Variants in SLC47A2 observed in about 807,000 individuals in gnomAD.
SLC47A2 encodes the protein solute carrier family 47 member 2.
In SLC47A2, 52 loss-of-function variants were observed where a neutral mutation model predicts 67.7. The ratio of observed to expected loss-of-function variants is 0.77; its 90% CI spans 0.61 to 0.97. SLC47A2 has a LOEUF of 0.97. Ranked by LOEUF, SLC47A2 falls within the 50% of genes least tolerant of loss-of-function variation. The pLI is 0.00. For missense variants in SLC47A2, 676 were observed against 712.3 expected (o/e 0.95, Z 0.58); for synonymous variants, 278 against 292.9 (o/e 0.95, Z 0.52).
At chr17:19,711,665 T>G (rs1044590324) in intron 5 of SLC47A2, among the ~76,000 whole-genome samples, 15 of 130,474 alleles carry the variant, frequency 1.1e-4, no homozygotes, top group South Asian at 2.4e-4. Context: ...TTGGAAGAAA[T>G]CTTTTAATAA....
In SLC47A2 at chr17:19,681,438, A is replaced by G; in HGVS notation, c.1321T>C (p.Cys441Arg). The G allele has an allele frequency of 6.2e-7, 1 of 1,613,844 alleles. No homozygotes were observed. Among genetic ancestry groups the G allele is most frequent in the Non-Finnish European group, 8.5e-7 (1 of 1,179,896 alleles). ...IMGLWLGMLA[C>R]VFLATAAFVA... is the part of the protein sequence containing the mutation. ...AAGGCAGCAGTTGCCAGGAAGACAC[A>G]GGCCAGCATGCCCAGCCAGAGGCCT... is the stretch of plus-strand genomic sequence containing the variant. Residue 441 changes from cysteine to arginine, a missense_variant, in exon 15 of 17, where the codon TGT becomes CGT. Physicochemically the swap from Cys to Arg is radical, Grantham distance 180. Coordinates refer to ENST00000433844, the MANE Select transcript of SLC47A2 (RefSeq NM_001099646.3).
chr17:19,710,661 C>G (rs946743039), intron 5 of SLC47A2, among the ~76,000 whole-genome samples: 1 of 152,062 alleles, frequency 6.6e-6, no homozygotes, highest in African/African-American at 2.4e-5. Flanking sequence ...CCATGTTGGC[C>G]GGGCTGGTCT....
intron 6 of SLC47A2, 107 bp from the exon 7 acceptor site, chr17:19,708,506 C>T (rs894783324): frequency 6.2e-7 from 1 of 1,613,818 alleles, no homozygotes. Flanking sequence ...CTTCAGCCAT[C>T]CCTGTTGAGG....
At chr17:19,679,410 A>G (rs1015900564) in intron 16 of SLC47A2, among the ~76,000 whole-genome samples, 1 of 152,158 alleles carries the variant, frequency 6.6e-6, no homozygotes, top group Non-Finnish European at 1.5e-5. Context: ...TGGGGCCATC[A>G]CTTCATGACA....
At chr17:19,679,345 GC>G (rs1283036965) in intron 16 of SLC47A2, among the ~76,000 whole-genome samples, 1 of 152,240 alleles carries the variant, frequency 6.6e-6, no homozygotes, top group Non-Finnish European at 1.5e-5. Flanking sequence ...ATCTGTGTGA[GC>G]TTTGGGCCAT....
chr17:19,691,301 C>T (rs1463241752), intron 13 of SLC47A2, among the ~76,000 whole-genome samples: 2 of 152,072 alleles, frequency 1.3e-5, no homozygotes, highest in Non-Finnish European at 2.9e-5. Context: ...ACCTGCACTC[C>T]CATATTTATT....
intron 13 of SLC47A2, among the ~76,000 whole-genome samples, chr17:19,697,421 C>A (rs530938628): frequency 9.9e-5 from 15 of 152,268 alleles, no homozygotes; most frequent in East Asian, 9.7e-4. Context: ...TGGGTGACAT[C>A]ATGAGACTTT....
rs150380329 is a variant in SLC47A2, at chr17:19,716,530, G to T, written c.26C>A (p.Ala9Asp). 3.7e-6 allele frequency: 6 copies of T among 1,610,750 alleles called. No individual in the cohort carries two copies. The African/African-American group carries it at 8.0e-5, about 22-fold the overall frequency. Reference protein sequence around the residue: MDSLQDTVALDHGGCCPAL... With the variant: MDSLQDTVDLDHGGCCPAL... ...AGGGCAGCAGCCCCCATGGTCCAGG[G>T]CCACTGTGTCCTGGAGGCTGTCCAT... Residue 9 changes from alanine (A) to aspartate (D), a missense_variant, in exon 1 of 17, where the codon GCC (alanine) becomes GAC (aspartate). Ala to Asp is a moderately radical substitution (Grantham distance 126, BLOSUM62 -2). Transcript: ENST00000433844.
At chr17:19,697,603 A>G (rs1301338909) in intron 13 of SLC47A2, among the ~76,000 whole-genome samples, 1 of 152,128 alleles carries the variant, frequency 6.6e-6, no homozygotes, top group Non-Finnish European at 1.5e-5. Flanking sequence ...TATTTTGTAG[A>G]TTGAGACAGG....
chr17:19,698,022 A>G (rs1294994396), intron 13 of SLC47A2, among the ~76,000 whole-genome samples: 1 of 152,208 alleles, frequency 6.6e-6, no homozygotes, highest in Non-Finnish European at 1.5e-5. Flanking sequence ...ACAGTGACAT[A>G]GTAGCATATC....
chr17:19,704,645 A>G, intron 10 of SLC47A2: 1 of 1,547,078 alleles, frequency 6.5e-7, no homozygotes, highest in South Asian at 1.2e-5. Context: ...TAACATGCAG[A>G]TGCGTACCCG....
rs200639965 is a variant in SLC47A2, at chr17:19,713,940, C to T, written c.328G>A (p.Val110Met). Reference sequence around the variant, plus strand: ...ACCAGCGCGCCCCGCTGCAGGATCACGCCCACGTGCTTCTTGTTGGGGCTG... The same window carrying T: ...ACCAGCGCGCCCCGCTGCAGGATCATGCCCACGTGCTTCTTGTTGGGGCTG... ...FGSPNKKHVGVILQRGALVLL... is the reference protein window; with the variant it reads ...FGSPNKKHVGMILQRGALVLL... The change falls in exon 4 of 17, where the codon GTG becomes ATG. Residue 110 changes from valine to methionine, a missense_variant. Val to Met is a conservative substitution (Grantham distance 21, BLOSUM62 1). Transcript: ENST00000433844. The T allele has an allele frequency of 1.1e-4, 182 of 1,613,296 alleles. 1 individual carries two copies. In the East Asian group the frequency reaches 3.8e-3, roughly 34 times the overall value.
At position 19,681,544 on chromosome 17, in the gene SLC47A2, T is replaced by C; in HGVS notation, c.1291A>G (p.Ile431Val). Reference sequence around the variant, plus strand: ...ACTTCCTCACACCACATACCCATGATTCTCATTCTGACCACAAAGGTCAGA... The same window carrying C: ...ACTTCCTCACACCACATACCCATGACTCTCATTCTGACCACAAAGGTCAGA... ...ILLTFVVRMR[I>V]MGLWLGMLAC... The change falls in exon 14 of 17, where the codon ATC becomes GTC. Residue 431 changes from isoleucine to valine, a missense_variant. Coordinates refer to ENST00000433844, the MANE Select transcript of SLC47A2 (RefSeq NM_001099646.3). 1 of 1,614,174 alleles carries C rather than the reference T, an allele frequency of 6.2e-7. No individual in the cohort carries two copies. Among genetic ancestry groups the C allele is most frequent in the Non-Finnish European group, 8.5e-7 (1 of 1,180,030 alleles).
At chr17:19,702,259 T>C (rs1342773643) in intron 13 of SLC47A2, 51 of 985,278 alleles carry the variant, frequency 5.2e-5, no homozygotes, top group Non-Finnish European at 5.8e-5. Flanking sequence ...CAGGATATGG[T>C]TGCCATTCAG....
At chr17:19,690,531 G>GATTGATGATATAACC (rs2085516450) in intron 13 of SLC47A2, among the ~76,000 whole-genome samples, 2 of 152,168 alleles carry the variant, frequency 1.3e-5, no homozygotes, top group Admixed American at 1.3e-4. Flanking sequence ...AATCTGATGA[G>GATTGATGATATAACC]AGATTAATAA....
At chr17:19,703,317 C>A in intron 11 of SLC47A2, 150 bp from the exon 12 acceptor site, 1 of 670,032 alleles carries the variant, frequency 1.5e-6, no homozygotes, top group Non-Finnish European at 2.7e-6. Flanking sequence ...ATGTCCCCCG[C>A]ATCTGAGGCG....
At chr17:19,708,605 A>T in intron 6 of SLC47A2, 111 bp downstream of exon 6, 1 of 1,592,596 alleles carries the variant, frequency 6.3e-7, no homozygotes, top group Admixed American at 1.7e-5. Context: ...GACCCCTTTC[A>T]AGAGCTGGTT....
chr17:19,705,593 G>A (rs995006888), intron 9 of SLC47A2, 90 bp from the exon 10 acceptor site: 3 of 1,274,302 alleles, frequency 2.4e-6, no homozygotes, highest in Non-Finnish European at 3.1e-6. Context: ...TGGGGACTCA[G>A]GGGCTTTTTT....
intron 8 of SLC47A2, 46 bp downstream of exon 8, chr17:19,707,700 C>A: frequency 1.3e-6 from 2 of 1,520,594 alleles, no homozygotes; most frequent in South Asian, 2.4e-5. Context: ...TAGGGCAGCA[C>A]CACCGCTGGC....
Sources: allele counts gnomAD v4.1 joint callset (sites outside exome capture counted in the v4.1 genomes callset), GRCh38; gene constraint gnomAD v4.1.1; transcripts MANE v1.5; gene names NCBI Gene and HGNC (gene_info 2026-07-23, HGNC 2026-07-21).